Variants in ELP1 observed in about 807,000 individuals in gnomAD.
ELP1 encodes the protein elongator complex protein 1.
A neutral mutation model predicts 183.2 loss-of-function variants in ELP1; 131 were observed. The observed-to-expected ratio is 0.72, with a 90% CI of 0.62 to 0.83. ELP1 has a LOEUF of 0.83. Ranked by LOEUF, ELP1 falls within the 40% of genes least tolerant of loss-of-function variation. ELP1 has a pLI of 0.00. For synonymous variants in ELP1, 555 were observed against 569.0 expected, an observed-to-expected ratio of 0.98 and a Z score of 0.35; for missense variants, 1,550 against 1,594.9, an observed-to-expected ratio of 0.97 and a Z score of 0.48.
chr9:108,882,066 T>C (rs1827949881), intron 30 of ELP1, 59 bp downstream of exon 30: 1 of 1,387,034 alleles, frequency 7.2e-7, no homozygotes, highest in South Asian at 1.2e-5. Context: ...TGACCTGGAA[T>C]CCCTTGCTTG....
rs188801906 is a variant in ELP1 at position 108,880,543 on chromosome 9, C to T, written c.3347-378G>A. On this transcript the variant is annotated intron_variant, in intron 31 of 36. Coordinates refer to ENST00000374647, the MANE Select transcript of ELP1 (RefSeq NM_003640.5). ...AAGAAAATTACCTAAATGTTTCTGG[C>T]TAAACATCCATCAAAATGCCCATGG... Among the ~76,000 whole-genome samples, 4 of 152,204 alleles carry T rather than the reference C, an allele frequency of 2.6e-5. No homozygotes were observed. The East Asian group carries it at 7.7e-4, about 29-fold the overall frequency.
chr9:108,889,514 T>C (rs150787307), intron 28 of ELP1, 121 bp from the exon 29 acceptor site: 12 of 884,764 alleles, frequency 1.4e-5, no homozygotes, highest in African/African-American at 1.1e-4. Context: ...TGTGAGGGAA[T>C]AGGTATATAC....
chr9:108,893,378 T>C lies in ELP1; in HGVS notation c.2861-295A>G, dbSNP rs56143112. Among the ~76,000 whole-genome samples the C allele has an allele frequency of 0.013, 1,990 of 152,294 alleles. 25 individuals are homozygous for C. The highest frequency in any genetic ancestry group is 0.034 in the Middle Eastern group (10 of 294). On this transcript the variant is annotated intron_variant, in intron 26 of 36. Coordinates refer to ENST00000374647, the MANE Select transcript of ELP1 (RefSeq NM_003640.5). ...TCACCTGGGAAGCTTATTAGACACA[T>C]GCACGCCTCAGTCCTATCCCAGACC...
chr9:108,918,780 G>C, intron 8 of ELP1, 31 bp downstream of exon 8: 1 of 1,522,706 alleles, frequency 6.6e-7, no homozygotes, highest in Non-Finnish European at 9.1e-7. Flanking sequence ...CTGGTTCCAA[G>C]AATTTCTCTA....
chr9:108,879,495 CACTCACGACACTGCT>C lies in ELP1; in HGVS notation c.3508_3522del (p.Ser1170_Ser1174del). On this transcript the variant is annotated inframe_deletion, in exon 33 of 37. Coordinates refer to ENST00000374647, the MANE Select transcript of ELP1 (RefSeq NM_003640.5). ...GAGTATTTGCCACTCATCTCACTGC[CACTCACGACACTGCT>C]AGTTTCAGAGAAGAGGTCTGACTCT... 1 of 1,614,162 alleles carries C rather than the reference CACTCACGACACTGCT, an allele frequency of 6.2e-7. No individual in the cohort carries two copies. Among genetic ancestry groups the C allele is most frequent in the Non-Finnish European group, 8.5e-7 (1 of 1,180,010 alleles).
At chr9:108,910,969 G>A (rs1421209013) in intron 12 of ELP1, 41 bp downstream of exon 12, 1 of 1,583,948 alleles carries the variant, frequency 6.3e-7, no homozygotes, top group Non-Finnish European at 8.7e-7. Flanking sequence ...GAGTAGAAGG[G>A]ACTTGATTCA....
At chr9:108,903,704 C>A (rs1269336145) in intron 14 of ELP1, 35 bp from the exon 15 acceptor site, 1 of 1,463,566 alleles carries the variant, frequency 6.8e-7, no homozygotes, top group East Asian at 2.3e-5. Flanking sequence ...TGTAAACAGA[C>A]CATTTTTCTC....
At chr9:108,919,181 A>G in intron 7 of ELP1, 72 bp downstream of exon 7, 1 of 1,073,488 alleles carries the variant, frequency 9.3e-7, no homozygotes, top group African/African-American at 1.6e-5. Context: ...AAAGCAAAAG[A>G]AAGAAAATTT....
chr9:108,933,297 A>G (rs542583479), intron 1 of ELP1, among the ~76,000 whole-genome samples: 1 of 152,200 alleles, frequency 6.6e-6, no homozygotes, highest in Non-Finnish European at 1.5e-5. Flanking sequence ...TTCATTGATT[A>G]GTTCCGTGGC....
At chr9:108,910,933 C>T (rs922433176) in intron 12 of ELP1, 77 bp downstream of exon 12, 29 of 1,334,918 alleles carry the variant, frequency 2.2e-5, no homozygotes, top group South Asian at 7.1e-5. Context: ...TATGGCAACA[C>T]CAAACTATAA....
chr9:108,889,197 A>G (rs1445322334), intron 29 of ELP1, 135 bp downstream of exon 29: 13 of 855,132 alleles, frequency 1.5e-5, no homozygotes, highest in Non-Finnish European at 1.0e-5. Context: ...CCAGCAAGAT[A>G]AGACCTCTGG....
intron 16 of ELP1, 85 bp from the exon 17 acceptor site, chr9:108,901,766 C>T: frequency 2.3e-6 from 3 of 1,293,370 alleles, no homozygotes; most frequent in Non-Finnish European, 3.4e-6. Flanking sequence ...TTCTACCACC[C>T]TATGATTTCA....
intron 17 of ELP1, 24 bp downstream of exon 17, chr9:108,901,604 C>G (rs375784499): frequency 8.4e-5 from 136 of 1,613,588 alleles, no homozygotes; most frequent in Non-Finnish European, 1.1e-4. Context: ...GAAAAGGATC[C>G]AACACCAAAC....
At chr9:108,930,672 C>A (rs1249859551) in intron 2 of ELP1, among the ~76,000 whole-genome samples, 3 of 111,520 alleles carry the variant, frequency 2.7e-5, no homozygotes, top group African/African-American at 7.0e-5. Context: ...GCCTGGGTGA[C>A]AGAGCGAGAC....
chr9:108,918,899 C>A lies in ELP1; in HGVS notation c.652G>T (p.Ala218Ser). 5 of 1,613,556 alleles carry A rather than the reference C, an allele frequency of 3.1e-6. No homozygotes were observed. The highest frequency in any genetic ancestry group is 4.2e-6 in the Non-Finnish European group (5 of 1,179,506). ...CGGTTCCACACTCTGACCTTCCGAG[C>A]CCCTGTGCGGGAGTGGAGTCAAACA... ...AVSVVCPETG[A>S]RKVRVWNREF... The change falls in exon 8 of 37, where the codon GCT (alanine) becomes TCT (serine). Residue 218 changes from alanine (A) to serine (S), a missense_variant and splice_region_variant. Transcript: ENST00000374647.
intron 14 of ELP1, among the ~76,000 whole-genome samples, chr9:108,904,869 A>G (rs1298398861): frequency 6.6e-6 from 1 of 152,248 alleles, no homozygotes; most frequent in Non-Finnish European, 1.5e-5. Flanking sequence ...AATATTTTAT[A>G]TGAACAAAAC....
intron 1 of ELP1, among the ~76,000 whole-genome samples, chr9:108,932,501 C>A (rs548574465): frequency 6.6e-6 from 1 of 152,064 alleles, no homozygotes; most frequent in Non-Finnish European, 1.5e-5. Context: ...GGCACCATGC[C>A]CAGTTAATTT....
intron 35 of ELP1, 64 bp from the exon 36 acceptor site, chr9:108,875,034 A>T (rs1827652932): frequency 9.2e-7 from 1 of 1,085,916 alleles, no homozygotes; most frequent in African/African-American, 1.5e-5. Context: ...GCCAATACCA[A>T]AGGCCAAATC....
chr9:108,921,191 C>A (rs1356214755), intron 6 of ELP1, among the ~76,000 whole-genome samples: 1 of 152,062 alleles, frequency 6.6e-6, no homozygotes, highest in Non-Finnish European at 1.5e-5. Context: ...ATAGCCATCA[C>A]CATAATCTAA....
Sources: allele counts gnomAD v4.1 joint callset (sites outside exome capture counted in the v4.1 genomes callset), GRCh38; gene constraint gnomAD v4.1.1; transcripts MANE v1.5; gene names NCBI Gene and HGNC (gene_info 2026-07-23, HGNC 2026-07-21).